Variants in PGK1 observed in about 807,000 individuals in gnomAD.
PGK1 encodes the protein phosphoglycerate kinase 1, also known as PRP 2.
A neutral mutation model predicts 26.9 loss-of-function variants in PGK1; 3 were observed. The observed-to-expected ratio is 0.11, with a 90% CI of 0.05 to 0.29. The LOEUF is 0.29. Among genes scored for constraint, PGK1 ranks in the 10% least tolerant of loss-of-function variants. The pLI, the probability that PGK1 is intolerant of heterozygous loss-of-function variation, is 1.00. For synonymous variants in PGK1, 125 were observed against 115.3 expected (o/e 1.08, Z -0.54); for missense variants, 270 against 314.7 (o/e 0.86, Z 1.07).
Position 78,113,718 on chromosome X carries a change from T to C in PGK1, c.117-26T>C, listed in dbSNP as rs201040994. The stretch of plus-strand genomic sequence containing the variant: ...CTAATTTCTAGGAGTAACTTCATTC[T>C]GTTTGTTGTCTCTCTTTGGTTGCAG... On this transcript the variant is annotated intron_variant, in intron 2 of 10. Coordinates refer to ENST00000373316, the MANE Select transcript of PGK1 (RefSeq NM_000291.4). The C allele has an allele frequency of 5.8e-6, 7 of 1,198,622 alleles. No individual in the cohort carries two copies. In the East Asian group the frequency reaches 1.8e-4, roughly 30 times the overall value.
At chrX:78,123,610 G>GTTT (rs200892196) in intron 8 of PGK1, among the ~76,000 whole-genome samples, 6 of 99,217 alleles carry the variant, frequency 6.0e-5, no homozygotes, top group Admixed American at 1.1e-4. Flanking sequence ...TGTTGTTGTT[G>GTTT]TTTTTTTTTT....
rs2078259232 is a variant in PGK1 at position 78,104,539 on chromosome X, G to T, written c.65+134G>T. Reference sequence around the variant, plus strand: ...GCCCCAGGGGTCCTAGGCTTGGAGGGCGAGGCTGCTCACGGGTTTGGTGGT... The same window carrying T: ...GCCCCAGGGGTCCTAGGCTTGGAGGTCGAGGCTGCTCACGGGTTTGGTGGT... On this transcript the variant is annotated intron_variant, in intron 1 of 10. Transcript: ENST00000373316. 5.4e-6 allele frequency: 3 copies of T among 555,030 alleles called. No homozygotes were observed. In the East Asian group the frequency reaches 1.1e-4, roughly 20 times the overall value. 45.7% of individuals were successfully genotyped at this position (555,030 alleles called of 1,213,427 possible).
intron 2 of PGK1, among the ~76,000 whole-genome samples, chrX:78,112,561 G>C (rs1557246967): frequency 8.9e-6 from 1 of 112,252 alleles, no homozygotes; most frequent in African/African-American, 3.2e-5. Context: ...ACATAAAAAA[G>C]TGACTTAGGA....
rs782085445 is a variant in PGK1, at chrX:78,125,739, A to AC, written c.1214-50dup. ...AGATAAAGTGGGGGAAATCTGGCTT[A>AC]CTGGGCCCTATAGTAATGCTGTCTA... On this transcript the variant is annotated intron_variant, in intron 10 of 10. Transcript: ENST00000373316. The AC allele has an allele frequency of 5.9e-6, 6 of 1,024,239 alleles. 1 individual carries two copies. The South Asian group carries it at 9.4e-5, about 16-fold the overall frequency. The allele number at this position is 1,024,239 out of a possible 1,213,427, so 84.4% of individuals were successfully genotyped here.
intron 1 of PGK1, 129 bp from the exon 2 acceptor site, chrX:78,109,738 T>C (rs1240078957): frequency 2.6e-5 from 14 of 543,863 alleles, no homozygotes; most frequent in Non-Finnish European, 3.6e-5. Flanking sequence ...ATTTTGACTT[T>C]TAATGCCACT....
intron 6 of PGK1, among the ~76,000 whole-genome samples, chrX:78,118,892 A>G (rs1029139658): frequency 9.0e-6 from 1 of 111,416 alleles, no homozygotes; most frequent in Non-Finnish European, 1.9e-5. Context: ...ACCCCCTCCC[A>G]CCCTCAATTT....
At chrX:78,114,439 G>C (rs1211047384) in intron 4 of PGK1, among the ~76,000 whole-genome samples, 1 of 111,802 alleles carries the variant, frequency 8.9e-6, no homozygotes, top group African/African-American at 3.3e-5. Flanking sequence ...TGAGGTGAAA[G>C]AGTATTCAGT....
chrX:78,110,285 T>G (rs1881555061), intron 2 of PGK1, among the ~76,000 whole-genome samples: 1 of 109,684 alleles, frequency 9.1e-6, no homozygotes, highest in African/African-American at 3.3e-5. Context: ...CCCGAGGAGC[T>G]GGAACAACAG....
chrX:78,104,274 C>T lies in PGK1; in HGVS notation c.-67C>T, dbSNP rs1402017986. 1.2e-5 allele frequency: 10 copies of T among 817,185 alleles called. No individual in the cohort carries two copies. Among genetic ancestry groups the T allele is most frequent in the East Asian group, 3.2e-5 (1 of 31,686 alleles). 67.3% of individuals were successfully genotyped at this position (817,185 alleles called of 1,213,427 possible). Reference sequence around the variant, plus strand: ...TTCCGCATTCTGCAAGCCTCCGGAGCGCACGTCGGCAGTCGGCTCCCTCGT... The same window carrying T: ...TTCCGCATTCTGCAAGCCTCCGGAGTGCACGTCGGCAGTCGGCTCCCTCGT... On this transcript the variant is annotated 5_prime_UTR_variant, in exon 1 of 11. Transcript: ENST00000373316.
rs1410209126 is a variant in PGK1, at chrX:78,106,585, G to A, written c.65+2180G>A. The A allele has an allele frequency of 8.0e-6, 6 of 752,529 alleles. No individual in the cohort carries two copies. In the South Asian group the frequency reaches 3.4e-4, roughly 42 times the overall value. 62.0% of individuals were successfully genotyped at this position (752,529 alleles called of 1,213,427 possible). On this transcript the variant is annotated intron_variant, in intron 1 of 10. Transcript: ENST00000373316. ...CTGAGTAGTGGCTGCCTCATTTGTC[G>A]TCTTTGTCCTGCAGAAGTGAACTAT... is the stretch of plus-strand genomic sequence containing the variant.
rs782781114 is a variant in PGK1 at position 78,126,461 on chromosome X, TCTAA to T, written c.*634_*637del. On this transcript the variant is annotated 3_prime_UTR_variant, in exon 11 of 11. Transcript: ENST00000373316. The stretch of plus-strand genomic sequence containing the variant: ...GCAGACATTGTGCTAGTGCTTTTAT[TCTAA>T]CTTTTATTTTTATCAGTTACACATG... 1 of 111,895 alleles carries T rather than the reference TCTAA, an allele frequency of 8.9e-6. No homozygotes were observed. The highest frequency in any genetic ancestry group is 1.9e-5 in the Non-Finnish European group (1 of 53,466). The allele number at this position is 111,895 out of a possible 1,213,427, so 9.2% of individuals were successfully genotyped here. A position where few individuals can be genotyped will look rare whatever the true frequency, so the allele number is the denominator to read the frequency against.
rs1243666102 is a variant in PGK1 at position 78,126,029 on chromosome X, G to T, written c.*199G>T. 9 of 467,928 alleles carry T rather than the reference G, an allele frequency of 1.9e-5. No homozygotes were observed. The highest frequency in any genetic ancestry group is 2.6e-5 in the Non-Finnish European group (7 of 264,302). 38.6% of individuals were successfully genotyped at this position (467,928 alleles called of 1,213,427 possible). A position where few individuals can be genotyped will look rare whatever the true frequency, so the allele number is the denominator to read the frequency against. ...CCCTGGATTTGCATACATTCTTCAA[G>T]ATCCCATTTGAATTTTTTAGTGACT... is the stretch of plus-strand genomic sequence containing the variant. On this transcript the variant is annotated 3_prime_UTR_variant, in exon 11 of 11. Coordinates refer to ENST00000373316, the MANE Select transcript of PGK1 (RefSeq NM_000291.4).
intron 6 of PGK1, among the ~76,000 whole-genome samples, chrX:78,118,406 G>C (rs1557247671): frequency 9.1e-6 from 1 of 109,586 alleles, no homozygotes; most frequent in South Asian, 3.9e-4. Context: ...AACAAAGTGA[G>C]ATCTCATGTC....
In PGK1 at chrX:78,117,419, C is replaced by G. The variant is rs782247331; in HGVS notation, c.521+4C>G. 2 of 1,069,763 alleles carry G rather than the reference C, an allele frequency of 1.9e-6. No homozygotes were observed. The highest frequency in any genetic ancestry group is 4.4e-5 in the Admixed American group (2 of 45,888). The allele number at this position is 1,069,763 out of a possible 1,213,427, so 88.2% of individuals were successfully genotyped here. A position where few individuals can be genotyped will look rare whatever the true frequency, so the allele number is the denominator to read the frequency against. ...GCACTGCTCACAGAGCCCACAGGTA[C>G]CAAGAACCTTGTAGACTACCACACT... On this transcript the variant is annotated splice_donor_region_variant and intron_variant, in intron 5 of 10. Transcript: ENST00000373316.
chrX:78,123,362 T>C lies in PGK1; in HGVS notation c.924T>C (p.Pro308=). The C allele has an allele frequency of 7.5e-6, 9 of 1,207,371 alleles. No individual in the cohort carries two copies. Among genetic ancestry groups the C allele is most frequent in the Non-Finnish European group, 1.0e-5 (9 of 891,665 alleles). ...TGQATVASGI[P]AGWMGLDCGP... is the part of the protein sequence containing the mutation. ...AAGCCACTGTGGCTTCTGGCATACC[T>C]GCTGGCTGGATGGTGAGTCACTTGA... The change falls in exon 8 of 11, where the codon CCT becomes CCC. Residue 308 remains proline, a synonymous_variant. Coordinates refer to ENST00000373316, the MANE Select transcript of PGK1 (RefSeq NM_000291.4).
At chrX:78,125,249 A>C in intron 9 of PGK1, 78 bp from the exon 10 acceptor site, 1 of 841,249 alleles carries the variant, frequency 1.2e-6, no homozygotes, top group Non-Finnish European at 1.8e-6. Flanking sequence ...TGGGGAGCAC[A>C]CTGCCTTACA....
chrX:78,119,749 C>A (rs1336308266), intron 6 of PGK1, among the ~76,000 whole-genome samples: 1 of 111,774 alleles, frequency 8.9e-6, no homozygotes, highest in East Asian at 2.8e-4. Context: ...TTCCCCTTTG[C>A]CTTCCGCCAC....
intron 6 of PGK1, among the ~76,000 whole-genome samples, chrX:78,120,366 C>G (rs1183456357): frequency 1.8e-5 from 2 of 110,038 alleles, no homozygotes; most frequent in African/African-American, 3.3e-5. Context: ...TACACACACA[C>G]ACGTATATAT....
chrX:78,111,731 A>G (rs550215094), intron 2 of PGK1, among the ~76,000 whole-genome samples: 1 of 112,112 alleles, frequency 8.9e-6, no homozygotes, highest in Admixed American at 9.4e-5. Context: ...GTCTTTGTAT[A>G]AGGCAGATCT....
Sources: allele counts gnomAD v4.1 joint callset (sites outside exome capture counted in the v4.1 genomes callset), GRCh38; gene constraint gnomAD v4.1.1; transcripts MANE v1.5; gene names NCBI Gene and HGNC (gene_info 2026-07-23, HGNC 2026-07-21).